TRPM3: variants seen among roughly 807,000 people sequenced by gnomAD.
The protein encoded by TRPM3 is long transient receptor potential channel 3.
In TRPM3, 77 loss-of-function variants were observed where a neutral mutation model predicts 181.2. The ratio of observed to expected loss-of-function variants is 0.42; its 90% CI spans 0.35 to 0.51. TRPM3 has a LOEUF of 0.51. Ranked by LOEUF, TRPM3 falls within the 20% of genes least tolerant of loss-of-function variation. The pLI, the probability that TRPM3 is intolerant of heterozygous loss-of-function variation, is 0.01. For synonymous variants in TRPM3, 745 were observed against 796.4 expected (o/e 0.94, Z 1.09); for missense variants, 1,759 against 2,196.7 (o/e 0.80, Z 3.98).
At chr9:71,436,596 C>A (rs1435979559) in intron 1 of TRPM3, among the ~76,000 whole-genome samples, 1 of 152,256 alleles carries the variant, frequency 6.6e-6, no homozygotes, top group African/African-American at 2.4e-5. Context: ...AGCCACCACT[C>A]CCGGCCTAAA....
chr9:70,573,140 C>T (rs2052909486), intron 22 of TRPM3, among the ~76,000 whole-genome samples: 1 of 152,084 alleles, frequency 6.6e-6, no homozygotes, highest in Admixed American at 6.5e-5. Context: ...ATTCCAGAAG[C>T]CATAGTGAAG....
At chr9:70,610,575 A>C in intron 19 of TRPM3, 34 bp downstream of exon 19, 1 of 1,602,580 alleles carries the variant, frequency 6.2e-7, no homozygotes. Context: ...CCTTGTGGCC[A>C]TCCACTAGGA....
intron 22 of TRPM3, among the ~76,000 whole-genome samples, chr9:70,577,976 A>G (rs1328352795): frequency 2.6e-5 from 4 of 152,180 alleles, no homozygotes; most frequent in African/African-American, 9.7e-5. Flanking sequence ...TTTACTTCTG[A>G]AGCTCTTGTT....
intron 3 of TRPM3, among the ~76,000 whole-genome samples, chr9:70,849,815 T>C (rs910697785): frequency 6.6e-6 from 1 of 152,118 alleles, no homozygotes; most frequent in African/African-American, 2.4e-5. Flanking sequence ...TTATATAAGA[T>C]TATCCAGGAG....
At chr9:71,446,871 G>A, upstream of TRPM3, 2 of 1,492,800 alleles carry the variant, frequency 1.3e-6, no homozygotes, top group African/African-American at 2.8e-5. Flanking sequence ...AAACAGCCCA[G>A]CGCCGAGCGC....
chr9:71,381,066 T>G (rs2092788875), intron 1 of TRPM3, among the ~76,000 whole-genome samples: 1 of 152,086 alleles, frequency 6.6e-6, no homozygotes, highest in South Asian at 2.1e-4. Flanking sequence ...GACTCAAGCA[T>G]GACTACACTT....
At chr9:70,761,534 T>A (rs1233676634) in intron 8 of TRPM3, 67 bp downstream of exon 8, 2 of 1,609,478 alleles carry the variant, frequency 1.2e-6, no homozygotes. Context: ...TTTGAGAAAA[T>A]GTTGTGTGAT....
At chr9:70,971,841 C>T (rs2097250565) in intron 1 of TRPM3, among the ~76,000 whole-genome samples, 1 of 152,076 alleles carries the variant, frequency 6.6e-6, no homozygotes, top group Admixed American at 6.6e-5. Context: ...GGAAACAATG[C>T]TCAATATCAT....
At chr9:71,181,486 G>A (rs80082787) in intron 1 of TRPM3, among the ~76,000 whole-genome samples, 4,260 of 151,818 alleles carry the variant, frequency 0.028, 101 homozygotes, top group Non-Finnish European at 0.044. Flanking sequence ...CAGCAAATAG[G>A]AAATACATAG....
chr9:70,854,273 C>T (rs1167893605), intron 3 of TRPM3, among the ~76,000 whole-genome samples: 1 of 152,156 alleles, frequency 6.6e-6, no homozygotes, highest in Non-Finnish European at 1.5e-5. Flanking sequence ...GTGGTGCTCC[C>T]ATTTACAGAT....
intron 6 of TRPM3, among the ~76,000 whole-genome samples, chr9:70,822,331 G>A (rs2093247084): frequency 6.6e-6 from 1 of 152,132 alleles, no homozygotes; most frequent in African/African-American, 2.4e-5. Context: ...ATTGTTTTAA[G>A]GACACAGTGG....
intron 1 of TRPM3, among the ~76,000 whole-genome samples, chr9:71,412,228 A>G (rs1287777763): frequency 6.6e-6 from 1 of 152,224 alleles, no homozygotes; most frequent in African/African-American, 2.4e-5. Context: ...CAATGGCAAC[A>G]AAAGCCAAAA....
chr9:71,422,001 G>A (rs1033254145), intron 1 of TRPM3, among the ~76,000 whole-genome samples: 3 of 151,864 alleles, frequency 2.0e-5, no homozygotes, highest in Middle Eastern at 3.4e-3. Context: ...TTTTTTTGAA[G>A]ATGCTACATA....
At chr9:70,874,905 T>C (rs1002067294) in intron 1 of TRPM3, among the ~76,000 whole-genome samples, 6 of 151,978 alleles carry the variant, frequency 3.9e-5, no homozygotes, top group Non-Finnish European at 8.8e-5. Flanking sequence ...TATACATGTA[T>C]ATTATATATG....
chr9:70,821,163 T>C (rs1386808096), intron 6 of TRPM3, among the ~76,000 whole-genome samples: 1 of 152,234 alleles, frequency 6.6e-6, no homozygotes, highest in Non-Finnish European at 1.5e-5. Context: ...TTTGCCATGA[T>C]GCTGCTACTG....
chr9:70,590,523 A>AT (rs576479865), intron 22 of TRPM3, among the ~76,000 whole-genome samples: 254 of 152,350 alleles, frequency 1.7e-3, no homozygotes, highest in Non-Finnish European at 3.1e-3. Context: ...AGACAGTGGG[A>AT]AAGGGAGTTG....
chr9:71,435,725 A>G (rs552831288), intron 1 of TRPM3, among the ~76,000 whole-genome samples: 1 of 152,334 alleles, frequency 6.6e-6, no homozygotes, highest in Admixed American at 6.5e-5. Context: ...GGAGGTTCAC[A>G]TCCTAATTTC....
chr9:70,839,244 C>T (rs1425766111), intron 5 of TRPM3, among the ~76,000 whole-genome samples: 1 of 152,114 alleles, frequency 6.6e-6, no homozygotes, highest in Non-Finnish European at 1.5e-5. Context: ...ATTTACTGAG[C>T]ACCTACTAAG....
chr9:71,374,498 T>A (rs1283063637), intron 1 of TRPM3, among the ~76,000 whole-genome samples: 4 of 152,190 alleles, frequency 2.6e-5, no homozygotes, highest in African/African-American at 7.2e-5. Context: ...TCCTACTGAA[T>A]GGACAAAAGC....
Sources: allele counts gnomAD v4.1 joint callset (sites outside exome capture counted in the v4.1 genomes callset), GRCh38; gene constraint gnomAD v4.1.1; transcripts MANE v1.5; gene names NCBI Gene and HGNC (gene_info 2026-07-23, HGNC 2026-07-21).